The following ATF6 variants were observed in gnomAD, a reference collection of about 807,000 sequenced individuals.
ATF6 encodes cyclic AMP-dependent transcription factor ATF-6 alpha.
Under a neutral mutation model 83.6 loss-of-function variants are expected in ATF6, and 53 were observed. That is an observed-to-expected ratio of 0.63 (90% confidence interval 0.51 to 0.80). The LOEUF (loss-of-function observed/expected upper bound fraction) is 0.80, where lower values mean the gene tolerates loss of function less well. ATF6 is among the 30% of genes least tolerant of loss of function. The pLI is 0.00. For synonymous variants in ATF6, 288 were observed against 285.8 expected (o/e 1.01, Z -0.08); for missense variants, 744 against 797.9 (o/e 0.93, Z 0.81).
intron 6 of ATF6, among the ~76,000 whole-genome samples, chr1:161,801,359 C>CTTTTTTTTT (rs1170991022): frequency 8.0e-4 from 76 of 95,298 alleles, no homozygotes; most frequent in African/African-American, 1.2e-3. Context: ...TATTTGTAGT[C>CTTTTTTTTT]TTTTTTTTTT....
chr1:161,806,528 C>T (rs1374271832), intron 7 of ATF6, among the ~76,000 whole-genome samples: 1 of 152,078 alleles, frequency 6.6e-6, no homozygotes, highest in Non-Finnish European at 1.5e-5. Flanking sequence ...GAAAAGTATC[C>T]AGAACTGATA....
At chr1:161,811,947 A>G (rs189540910) in intron 7 of ATF6, among the ~76,000 whole-genome samples, 120 of 152,350 alleles carry the variant, frequency 7.9e-4, no homozygotes, top group Non-Finnish European at 1.5e-3. Flanking sequence ...ATCACCTGTC[A>G]ATATTACAAT....
chr1:161,770,364 A>G (rs1428772648), intron 1 of ATF6, among the ~76,000 whole-genome samples: 1 of 152,236 alleles, frequency 6.6e-6, no homozygotes, highest in Admixed American at 6.5e-5. Context: ...GCCATAAGAC[A>G]ACACCACAGA....
At chr1:161,902,930 A>G (rs1687815768) in intron 14 of ATF6, among the ~76,000 whole-genome samples, 1 of 152,210 alleles carries the variant, frequency 6.6e-6, no homozygotes, top group South Asian at 2.1e-4. Flanking sequence ...TGAAGATCTG[A>G]AGTGGGAGCA....
intron 14 of ATF6, chr1:161,891,201 A>C (rs1392599041): frequency 2.0e-5 from 3 of 152,388 alleles, no homozygotes; most frequent in Non-Finnish European, 4.4e-5. Context: ...TCAGTTCTCC[A>C]TCAAGGTCCC....
At chr1:161,792,734 T>C (rs1465497773) in intron 6 of ATF6, among the ~76,000 whole-genome samples, 1 of 152,220 alleles carries the variant, frequency 6.6e-6, no homozygotes, top group Non-Finnish European at 1.5e-5. Flanking sequence ...ATCACACCCT[T>C]AATCTCTGAG....
At position 161,792,121 on chromosome 1, in the gene ATF6, C is replaced by T; in HGVS notation, c.485-3C>T. ...ACTTGTGGTTTGTCTGGTTTTTCTC[C>T]AGAAAATGGACTGACTCCAAAGAAA... On this transcript the variant is annotated splice_polypyrimidine_tract_variant and splice_region_variant and intron_variant, in intron 5 of 15. Transcript: ENST00000367942. The T allele has an allele frequency of 1.2e-6, 2 of 1,613,310 alleles. No individual in the cohort carries two copies. The highest frequency in any genetic ancestry group is 1.7e-6 in the Non-Finnish European group (2 of 1,179,930).
intron 14 of ATF6, among the ~76,000 whole-genome samples, chr1:161,894,099 T>A (rs1009992188): frequency 6.6e-6 from 1 of 152,178 alleles, no homozygotes; most frequent in Non-Finnish European, 1.5e-5. Context: ...GAAAAACTTT[T>A]ATAATAATAA....
At position 161,960,874 on chromosome 1, in the gene ATF6, A is replaced by G. The variant is rs551479128; in HGVS notation, c.*2220A>G. The G allele has an allele frequency of 6.6e-6, 1 of 152,304 alleles. No homozygotes were observed. Among genetic ancestry groups the G allele is most frequent in the African/African-American group, 2.4e-5 (1 of 41,552 alleles). 9.4% of individuals were successfully genotyped at this position (152,304 alleles called of 1,614,324 possible). A position where few individuals can be genotyped will look rare whatever the true frequency, so the allele number is the denominator to read the frequency against. On this transcript the variant is annotated 3_prime_UTR_variant, in exon 16 of 16. Transcript: ENST00000367942. ...CTGTAATGTGAATTAGCCACACCAG[A>G]GGCTGTGACCATGGCTAGTAGACAG...
chr1:161,770,584 C>T (rs1200409749), intron 1 of ATF6, among the ~76,000 whole-genome samples: 3 of 152,162 alleles, frequency 2.0e-5, no homozygotes, highest in Non-Finnish European at 4.4e-5. Flanking sequence ...TAGTGCCCCA[C>T]TTTAATGACC....
intron 8 of ATF6, 132 bp downstream of exon 8, chr1:161,819,950 C>T (rs1685711061): frequency 3.6e-6 from 3 of 837,512 alleles, no homozygotes; most frequent in South Asian, 2.7e-5. Flanking sequence ...ATAATAAGTC[C>T]TAAAACATTT....
chr1:161,889,187 A>G (rs1055736201), intron 14 of ATF6, among the ~76,000 whole-genome samples: 1 of 152,228 alleles, frequency 6.6e-6, no homozygotes, highest in African/African-American at 2.4e-5. Flanking sequence ...AGTTGAAGCT[A>G]TAATGCATTC....
At chr1:161,796,570 G>A (rs1305890262) in intron 6 of ATF6, among the ~76,000 whole-genome samples, 1 of 152,090 alleles carries the variant, frequency 6.6e-6, no homozygotes, top group African/African-American at 2.4e-5. Context: ...ATATATCTTT[G>A]TACAGCTCTT....
chr1:161,914,381 T>C (rs1185404409), intron 15 of ATF6, among the ~76,000 whole-genome samples: 6 of 152,182 alleles, frequency 3.9e-5, no homozygotes, highest in Admixed American at 1.3e-4. Context: ...CATCACACTT[T>C]ACTCCTCTAA....
rs1444935794 is a variant in ATF6 at position 161,851,830 on chromosome 1, T to C, written c.1428T>C (p.Ser476=). 1.2e-5 allele frequency: 20 copies of C among 1,609,794 alleles called. No individual in the cohort carries two copies. Among genetic ancestry groups the C allele is most frequent in the Non-Finnish European group, 1.7e-5 (20 of 1,176,332 alleles). ...PCQPLINTTE[S]LRLNHELRGW... is the part of the protein sequence containing the mutation. ...AGCCCCTAATTAACACAACAGAGTC[T>C]CTCAGGTGAGTGTTGTAGATTATTG... The change falls in exon 11 of 16, where the codon TCT becomes TCC. Residue 476 remains serine, a synonymous_variant. Transcript: ENST00000367942.
Position 161,963,402 on chromosome 1 carries a change from A to G in ATF6, c.*4748A>G, listed in dbSNP as rs927257827. 3 of 152,214 alleles carry G rather than the reference A, an allele frequency of 2.0e-5. No individual in the cohort carries two copies. Among genetic ancestry groups the G allele is most frequent in the African/African-American group, 7.2e-5 (3 of 41,438 alleles). 9.4% of individuals were successfully genotyped at this position (152,214 alleles called of 1,614,324 possible). On this transcript the variant is annotated 3_prime_UTR_variant, in exon 16 of 16. Transcript: ENST00000367942. The stretch of plus-strand genomic sequence containing the variant: ...TGTCACATAGTGGGTGCCATTCTCA[A>G]CATATTGGTTTGCTAACTTTAAGCA...
Position 161,796,923 on chromosome 1 carries a change from GT to G in ATF6, c.688+4606del, listed in dbSNP as rs112975555. ...AGCACTTGGGAATTCTTGTTTTTTG[GT>G]TTTTTTTTTCACATTATGATAAATA... On this transcript the variant is annotated intron_variant, in intron 6 of 15. Coordinates refer to ENST00000367942, the MANE Select transcript of ATF6 (RefSeq NM_007348.4). 4.8e-4 allele frequency among the ~76,000 whole-genome samples: 70 copies of G among 144,972 alleles called. 3 individuals carry two copies. In the South Asian group the frequency reaches 7.9e-3, roughly 16 times the overall value.
intron 10 of ATF6, among the ~76,000 whole-genome samples, chr1:161,848,915 G>A (rs916459561): frequency 6.7e-6 from 1 of 149,738 alleles, no homozygotes; most frequent in African/African-American, 2.5e-5. Flanking sequence ...CCTTGTCCTG[G>A]TATTTCTCCT....
chr1:161,805,671 G>C lies in ATF6; in HGVS notation c.909+3399G>C, dbSNP rs1305310686. Among the ~76,000 whole-genome samples the C allele has an allele frequency of 5.3e-5, 8 of 152,196 alleles. No homozygotes were observed. In the East Asian group the frequency reaches 1.2e-3, roughly 22 times the overall value. ...AACTTGGTTGACCTCAGTATTACAT[G>C]TGTCTGTTAAAACACAAGTCCTATT... On this transcript the variant is annotated intron_variant, in intron 7 of 15. Coordinates refer to ENST00000367942, the MANE Select transcript of ATF6 (RefSeq NM_007348.4).
Sources: gnomAD v4.1 joint callset for allele counts (sites outside exome capture counted in the v4.1 genomes callset) on GRCh38, gnomAD v4.1.1 for gene constraint, MANE v1.5 for transcripts, NCBI Gene and HGNC (gene_info 2026-07-23, HGNC 2026-07-21) for gene names.